Variants in MRTFB observed in about 807,000 individuals in gnomAD.
The protein encoded by MRTFB is myocardin related transcription factor B.
Under a neutral mutation model 104.2 loss-of-function variants are expected in MRTFB, and 29 were observed. The ratio of observed to expected loss-of-function variants is 0.28; its 90% CI spans 0.21 to 0.38. The LOEUF (loss-of-function observed/expected upper bound fraction) is 0.38, where lower values mean the gene tolerates loss of function less well. Ranked by LOEUF, MRTFB falls within the 10% of genes least tolerant of loss-of-function variation. The pLI is 1.00. For missense variants in MRTFB, 1,270 were observed against 1,341.6 expected (o/e 0.95, Z 0.83); for synonymous variants, 535 against 519.5 (o/e 1.03, Z -0.41).
At chr16:14,002,839 G>T in the MRTFB span, among the ~76,000 whole-genome samples, 1 of 152,022 alleles carries the variant, frequency 6.6e-6, no homozygotes, top group Non-Finnish European at 1.5e-5. Context: ...TCTCGATTCT[G>T]AGCCAGAGAA....
Position 14,244,125 on chromosome 16 carries a change from G to C in MRTFB, c.1080-1403G>C, listed in dbSNP as rs181335688. ...GATCTCCTGACCTCATGATCTGCCC[G>C]CTTCAGCCTCCCAAAGTGCAGTTTT... On this transcript the variant is annotated intron_variant, in intron 10 of 16. Transcript: ENST00000571589. Among the ~76,000 whole-genome samples the C allele has an allele frequency of 3.9e-5, 6 of 152,152 alleles. No homozygotes were observed. In the East Asian group the frequency reaches 1.2e-3, roughly 29 times the overall value.
At chr16:14,146,248 C>G (rs1490050954) in intron 3 of MRTFB, among the ~76,000 whole-genome samples, 1 of 152,154 alleles carries the variant, frequency 6.6e-6, no homozygotes, top group Non-Finnish European at 1.5e-5. Flanking sequence ...TATCATCTAC[C>G]TCCCTCTTCC....
At chr16:14,089,546 G>A (rs977869990) in intron 2 of MRTFB, among the ~76,000 whole-genome samples, 2 of 152,062 alleles carry the variant, frequency 1.3e-5, no homozygotes, top group African/African-American at 4.8e-5. Context: ...ACATTGTGGT[G>A]GTTTCCACTT....
At chr16:14,002,111 G>T in the MRTFB span, among the ~76,000 whole-genome samples, 669 of 152,308 alleles carry the variant, frequency 4.4e-3, 6 homozygotes, top group African/African-American at 0.015. Flanking sequence ...GGCCAGGCAT[G>T]GTGGCTCATA....
intron 9 of MRTFB, among the ~76,000 whole-genome samples, chr16:14,237,787 C>T (rs73518934): frequency 0.14 from 20,556 of 152,022 alleles, 3,287 homozygotes; most frequent in African/African-American, 0.38. Flanking sequence ...ATCACTTATA[C>T]GTTCTCAATG....
the MRTFB span, chr16:14,016,048 C>T: frequency 2.5e-6 from 1 of 398,364 alleles, no homozygotes; most frequent in Admixed American, 4.4e-5. Context: ...TTGTCAGTAC[C>T]CCAGGATCAA....
At chr16:14,005,672 G>A in the MRTFB span, among the ~76,000 whole-genome samples, 119 of 152,290 alleles carry the variant, frequency 7.8e-4, 1 homozygote, top group East Asian at 0.021. Context: ...AGCATGTTCC[G>A]GAGATGGTCC....
At chr16:14,244,514 G>C (rs1197628505) in intron 10 of MRTFB, among the ~76,000 whole-genome samples, 2 of 152,168 alleles carry the variant, frequency 1.3e-5, no homozygotes, top group Non-Finnish European at 2.9e-5. Flanking sequence ...CAAAGTAGTT[G>C]CATCATTCAC....
chr16:14,061,548 G>A, the MRTFB span, among the ~76,000 whole-genome samples: 7,036 of 148,578 alleles, frequency 0.047, 554 homozygotes, highest in African/African-American at 0.16. Flanking sequence ...TTTTTTTTTC[G>A]GTCTGGCTCA....
At chr16:14,211,048 A>G (rs2041170185) in intron 4 of MRTFB, among the ~76,000 whole-genome samples, 1 of 152,222 alleles carries the variant, frequency 6.6e-6, no homozygotes, top group Non-Finnish European at 1.5e-5. Flanking sequence ...TCAAAACACT[A>G]GAAAGAAATT....
chr16:14,249,224 G>A (rs2043154312), intron 13 of MRTFB, 143 bp downstream of exon 13: 4 of 945,196 alleles, frequency 4.2e-6, no homozygotes, highest in Admixed American at 3.3e-5. Context: ...TGAGCCTTAG[G>A]TCAGATGCCA....
intron 1 of MRTFB, among the ~76,000 whole-genome samples, chr16:14,073,585 A>G (rs1219196082): frequency 1.3e-5 from 2 of 152,228 alleles, no homozygotes; most frequent in Admixed American, 6.5e-5. Flanking sequence ...AGGTCAGGTT[A>G]GTACCTGTGT....
intron 8 of MRTFB, among the ~76,000 whole-genome samples, chr16:14,232,195 G>T (rs1185819846): frequency 6.6e-6 from 1 of 152,188 alleles, no homozygotes; most frequent in Non-Finnish European, 1.5e-5. Context: ...TATATGCAAA[G>T]AAATCTATAT....
chr16:14,022,402 G>A, the MRTFB span, among the ~76,000 whole-genome samples: 1 of 152,112 alleles, frequency 6.6e-6, no homozygotes, highest in Non-Finnish European at 1.5e-5. Flanking sequence ...TATGCAAAAA[G>A]CATTTCTTTT....
intron 15 of MRTFB, 125 bp downstream of exon 15, chr16:14,252,627 C>A: frequency 8.6e-7 from 1 of 1,167,912 alleles, no homozygotes; most frequent in Non-Finnish European, 1.1e-6. Flanking sequence ...CAAAAATAAC[C>A]TTGTATTTTA....
intron 2 of MRTFB, among the ~76,000 whole-genome samples, chr16:14,119,000 T>C (rs956866349): frequency 3.9e-5 from 6 of 152,176 alleles, no homozygotes; most frequent in African/African-American, 1.2e-4. Flanking sequence ...TGAGAGGTTT[T>C]GGTTATTTTC....
intron 2 of MRTFB, among the ~76,000 whole-genome samples, chr16:14,107,818 G>A (rs528871736): frequency 2.7e-4 from 41 of 152,338 alleles, no homozygotes; most frequent in African/African-American, 8.2e-4. Flanking sequence ...AGCATACCCA[G>A]TGTGAGGTAC....
intron 15 of MRTFB, among the ~76,000 whole-genome samples, chr16:14,255,699 G>A (rs2043450590): frequency 6.6e-6 from 1 of 152,140 alleles, no homozygotes; most frequent in Admixed American, 6.5e-5. Flanking sequence ...GATCTGTGTG[G>A]TTGTAGGATC....
intron 3 of MRTFB, among the ~76,000 whole-genome samples, chr16:14,158,503 A>G (rs1218978938): frequency 5.3e-5 from 8 of 152,200 alleles, no homozygotes; most frequent in Non-Finnish European, 1.2e-4. Flanking sequence ...TTTAAAGTAT[A>G]TTGTTGGTTC....
Sources: allele counts gnomAD v4.1 joint callset (sites outside exome capture counted in the v4.1 genomes callset), GRCh38; gene constraint gnomAD v4.1.1; transcripts MANE v1.5; gene names NCBI Gene and HGNC (gene_info 2026-07-23, HGNC 2026-07-21).